PRRT1B: variants seen among roughly 807,000 people sequenced by gnomAD.
The protein encoded by PRRT1B is proline rich transmembrane protein 1B, also known as dispanin subfamily D member 2.
chr9:131,552,296 G>T lies in PRRT1B; in HGVS notation c.26-2261G>T, dbSNP rs535209585. 6.8e-4 allele frequency among the ~76,000 whole-genome samples: 104 copies of T among 152,292 alleles called. 1 individual carries two copies. The highest frequency in any genetic ancestry group is 6.8e-3 in the Middle Eastern group (2 of 294). On this transcript the variant is annotated intron_variant, in intron 1 of 3. Coordinates refer to ENST00000636672, the Ensembl canonical transcript of PRRT1B. The stretch of plus-strand genomic sequence containing the variant: ...AGGAGGCCACAATGTCTGGCCAAGT[G>T]TGTTTACCTTGACCTCATGGAGCAT...
At chr9:131,556,343 T>A in intron 3 of PRRT1B, 130 bp downstream of exon 3, 1 of 397,034 alleles carries the variant, frequency 2.5e-6, no homozygotes, top group Non-Finnish European at 4.4e-6. Context: ...GGGTGGGAAT[T>A]GGGAAGTCAG....
intron 1 of PRRT1B, among the ~76,000 whole-genome samples, chr9:131,548,751 G>T (rs1241432745): frequency 1.3e-5 from 2 of 152,126 alleles, no homozygotes; most frequent in Non-Finnish European, 2.9e-5. Flanking sequence ...GGCTGAGCTA[G>T]GTCCGAATTC....
chr9:131,559,779 C>T (rs1765068041), downstream of PRRT1B, among the ~76,000 whole-genome samples: 1 of 149,514 alleles, frequency 6.7e-6, no homozygotes, highest in Non-Finnish European at 1.5e-5. Flanking sequence ...ATTATCAAAA[C>T]TACTAAAAGG....
At chr9:131,550,432 A>C (rs62580645) in intron 1 of PRRT1B, among the ~76,000 whole-genome samples, 1 of 151,976 alleles carries the variant, frequency 6.6e-6, no homozygotes, top group Non-Finnish European at 1.5e-5. Context: ...CTGTACTGCC[A>C]CAAGGCTTCA....
At chr9:131,547,152 A>T (rs560121866) in intron 1 of PRRT1B, among the ~76,000 whole-genome samples, 1 of 143,044 alleles carries the variant, frequency 7.0e-6, no homozygotes, top group East Asian at 2.0e-4. Context: ...GCTCACTGCA[A>T]CCTCCTTTTC....
At chr9:131,548,657 C>G (rs1346005861) in intron 1 of PRRT1B, among the ~76,000 whole-genome samples, 2 of 152,136 alleles carry the variant, frequency 1.3e-5, no homozygotes, top group African/African-American at 4.8e-5. Flanking sequence ...CAGTCCCAAC[C>G]CCAAGCGTCA....
At chr9:131,558,227 G>T (rs557068234) in exon 4 of PRRT1B, 102 of 400,832 alleles carry the variant, frequency 2.5e-4, no homozygotes, top group Non-Finnish European at 3.9e-4. Context: ...CGGAGATGCC[G>T]GATGCCGGAA....
downstream of PRRT1B, among the ~76,000 whole-genome samples, chr9:131,559,810 C>T (rs189098964): frequency 2.1e-3 from 321 of 152,310 alleles, 1 homozygote; most frequent in Non-Finnish European, 3.6e-3. Context: ...AGGATCATGA[C>T]ATGGATGCCC....
chr9:131,556,167 T>C, exon 3 of PRRT1B: 1 of 401,102 alleles, frequency 2.5e-6, no homozygotes, highest in Non-Finnish European at 4.4e-6. Context: ...GTGACCCTCT[T>C]CTGCTGTCTG....
At chr9:131,549,445 C>G (rs565293186) in intron 1 of PRRT1B, among the ~76,000 whole-genome samples, 36 of 152,336 alleles carry the variant, frequency 2.4e-4, no homozygotes, top group African/African-American at 8.7e-4. Flanking sequence ...CGGGACCCCA[C>G]TGAAAATTGG....
chr9:131,559,229 A>AG (rs11452692), downstream of PRRT1B, among the ~76,000 whole-genome samples: 152,343 of 152,352 alleles, frequency 1, 76,167 homozygotes, highest in Middle Eastern at 1. Flanking sequence ...GGATCACCTG[A>AG]GTCAGGAGTT....
intron 1 of PRRT1B, among the ~76,000 whole-genome samples, chr9:131,550,045 T>C (rs1020401741): frequency 6.6e-6 from 1 of 152,124 alleles, no homozygotes; most frequent in African/African-American, 2.4e-5. Context: ...ACCCTTACCC[T>C]GCTCAATGCC....
At chr9:131,548,988 A>G (rs1317681236) in intron 1 of PRRT1B, among the ~76,000 whole-genome samples, 4 of 152,226 alleles carry the variant, frequency 2.6e-5, no homozygotes, top group Admixed American at 2.0e-4. Flanking sequence ...ATCAAATATG[A>G]AAAAGCCAGC....
At chr9:131,556,721 C>T (rs1951053252) in intron 3 of PRRT1B, among the ~76,000 whole-genome samples, 1 of 151,942 alleles carries the variant, frequency 6.6e-6, no homozygotes, top group African/African-American at 2.4e-5. Flanking sequence ...AACCTCCACC[C>T]TCTGGGTTCA....
intron 1 of PRRT1B, among the ~76,000 whole-genome samples, chr9:131,546,187 G>A (rs1950973388): frequency 6.6e-6 from 1 of 152,068 alleles, no homozygotes; most frequent in African/African-American, 2.4e-5. Context: ...CAGCAGGGGA[G>A]TGGGCGACCC....
intron 1 of PRRT1B, among the ~76,000 whole-genome samples, chr9:131,550,525 C>A (rs374578449): frequency 1.2e-4 from 19 of 152,340 alleles, no homozygotes; most frequent in Middle Eastern, 3.4e-3. Context: ...TGAAAACACA[C>A]GTGCTCTCTC....
At chr9:131,549,971 G>C (rs879533095) in intron 1 of PRRT1B, among the ~76,000 whole-genome samples, 1 of 151,956 alleles carries the variant, frequency 6.6e-6, no homozygotes, top group Non-Finnish European at 1.5e-5. Context: ...TCTCCCTCTT[G>C]TATCTCCCCA....
At chr9:131,555,932 T>A in intron 2 of PRRT1B, 138 bp from the exon 3 acceptor site, 1 of 396,492 alleles carries the variant, frequency 2.5e-6, no homozygotes, top group Non-Finnish European at 4.4e-6. Context: ...ACCCAACCCC[T>A]CCGTGAATTG....
chr9:131,559,505 T>C (rs566029005), downstream of PRRT1B, among the ~76,000 whole-genome samples: 214 of 152,322 alleles, frequency 1.4e-3, no homozygotes, highest in Non-Finnish European at 1.3e-3. Flanking sequence ...ACAATATTGA[T>C]AGCTCAAGCT....
Sources: allele counts gnomAD v4.1 joint callset (sites outside exome capture counted in the v4.1 genomes callset), GRCh38; gene constraint gnomAD v4.1.1; transcripts MANE v1.5; gene names NCBI Gene and HGNC (gene_info 2026-07-23, HGNC 2026-07-21).